The following ARL10 variants were observed in gnomAD, a reference collection of about 807,000 sequenced individuals.
ARL10 encodes the protein ADP-ribosylation factor-like protein 10.
In ARL10, 23 loss-of-function variants were observed where a neutral mutation model predicts 26.1. The observed-to-expected ratio is 0.88, with a 90% CI of 0.63 to 1.25. The LOEUF (loss-of-function observed/expected upper bound fraction) is 1.25, where lower values mean the gene tolerates loss of function less well. Among genes scored for constraint, ARL10 ranks in the 50% most tolerant of loss-of-function variants. The probability of loss-of-function intolerance (pLI) is 0.00; values close to 1 mark genes in which losing one functional copy is unlikely to be tolerated. For missense variants in ARL10, 300 were observed against 323.6 expected (o/e 0.93, Z 0.56); for synonymous variants, 138 against 149.1 (o/e 0.93, Z 0.54).
At chr5:176,412,244 C>T in the ARL10 span, among the ~76,000 whole-genome samples, 1 of 151,990 alleles carries the variant, frequency 6.6e-6, no homozygotes, top group Non-Finnish European at 1.5e-5. Context: ...CATAAGTCAC[C>T]TCCTCTGGGA....
intron 1 of ARL10, among the ~76,000 whole-genome samples, chr5:176,400,353 C>T (rs374473124): frequency 3.3e-5 from 5 of 152,230 alleles, no homozygotes; most frequent in South Asian, 4.1e-4. Context: ...AGAATTACTA[C>T]TATTATTATT....
the ARL10 span, among the ~76,000 whole-genome samples, chr5:176,414,683 C>A: frequency 6.6e-6 from 1 of 152,092 alleles, no homozygotes; most frequent in South Asian, 2.1e-4. Context: ...AGCATGGAGC[C>A]CAGAGTTGGG....
At chr5:176,412,843 G>A in the ARL10 span, among the ~76,000 whole-genome samples, 1 of 152,154 alleles carries the variant, frequency 6.6e-6, no homozygotes, top group East Asian at 1.9e-4. Context: ...AGCATCTTCT[G>A]CAAAGGGGCT....
intron 1 of ARL10, among the ~76,000 whole-genome samples, chr5:176,399,844 C>T (rs1756724378): frequency 6.7e-6 from 1 of 150,324 alleles, no homozygotes; most frequent in Non-Finnish European, 1.5e-5. Context: ...TGCCACTGCA[C>T]TCCAGCCTGG....
chr5:176,383,892 G>C (rs1053440460), downstream of ARL10: 1 of 1,350,828 alleles, frequency 7.4e-7, no homozygotes, highest in Non-Finnish European at 9.8e-7. Context: ...GGTTTTCACC[G>C]GGGCAGCCCC....
chr5:176,371,686 C>T (rs1376960894), intron 3 of ARL10, 36 bp from the exon 4 acceptor site: 1 of 1,590,566 alleles, frequency 6.3e-7, no homozygotes, highest in Non-Finnish European at 8.6e-7. Context: ...TTAGGAAATG[C>T]TGCCAGCTGT....
At chr5:176,382,551 G>T (rs1755578783), downstream of ARL10, among the ~76,000 whole-genome samples, 1 of 152,202 alleles carries the variant, frequency 6.6e-6, no homozygotes, top group African/African-American at 2.4e-5. Context: ...GGGGGCCTTT[G>T]TTCTTAAGTA....
intron 1 of ARL10, among the ~76,000 whole-genome samples, chr5:176,395,078 C>T (rs982767789): frequency 6.6e-6 from 1 of 151,986 alleles, no homozygotes; most frequent in Non-Finnish European, 1.5e-5. Context: ...CCAGCCTCAG[C>T]TCCCACCCAT....
downstream of ARL10, chr5:176,385,126 A>G (rs781322768): frequency 1.3e-6 from 1 of 784,606 alleles, no homozygotes. Flanking sequence ...CTTTCTTTGC[A>G]CTCGGTTTCA....
chr5:176,393,035 G>A, downstream of ARL10: 1 of 1,428,008 alleles, frequency 7.0e-7, no homozygotes, highest in Non-Finnish European at 9.8e-7. The surrounding 1 kb of genome is among the most constrained non-coding windows in gnomAD (Gnocchi z 4.4). Flanking sequence ...GCCTACTCTG[G>A]GGCACTGTGT....
At chr5:176,401,813 G>C in exon 2 of ARL10, 1 of 454,986 alleles carries the variant, frequency 2.2e-6, no homozygotes, top group Non-Finnish European at 4.4e-6. Flanking sequence ...GTTCGTCCTT[G>C]ATTTCTCCTT....
At chr5:176,389,135 G>A (rs1038504419), downstream of ARL10, among the ~76,000 whole-genome samples, 7 of 152,042 alleles carry the variant, frequency 4.6e-5, no homozygotes, top group Non-Finnish European at 8.8e-5. Flanking sequence ...AGCGGGAGCA[G>A]CGGGTTTAGG....
chr5:176,414,083 C>T, the ARL10 span, among the ~76,000 whole-genome samples: 10 of 152,166 alleles, frequency 6.6e-5, no homozygotes, highest in Non-Finnish European at 1.5e-4. Flanking sequence ...TCTGGCTGCC[C>T]TCAGCCTGAA....
rs761267825 is a variant in ARL10 at position 176,373,865 on chromosome 5, A to C, written c.*1970A>C. The C allele has an allele frequency of 5.3e-5, 8 of 152,230 alleles. No individual in the cohort carries two copies. Among genetic ancestry groups the C allele is most frequent in the Non-Finnish European group, 1.0e-4 (7 of 68,040 alleles). 9.4% of individuals were successfully genotyped at this position (152,230 alleles called of 1,614,324 possible). On this transcript the variant is annotated 3_prime_UTR_variant, in exon 4 of 4. Coordinates refer to ENST00000310389, the MANE Select transcript of ARL10 (RefSeq NM_173664.6). The stretch of plus-strand genomic sequence containing the variant: ...CCTTGTTCTTCAGGGCTTGAAGGCA[A>C]AAAAACCTTAGACAACTTTAACGAA...
intron 1 of ARL10, chr5:176,397,922 G>A (rs762614271): frequency 5.6e-6 from 9 of 1,609,488 alleles, no homozygotes; most frequent in East Asian, 4.5e-5. Context: ...CCTCAGCCCC[G>A]CCCTCACCCA....
downstream of ARL10, chr5:176,392,751 G>A (rs372196026): frequency 1.7e-5 from 27 of 1,612,594 alleles, no homozygotes; most frequent in Non-Finnish European, 2.1e-5. This position sits in a 1 kb window ranked among gnomAD's most constrained non-coding sequence, Gnocchi z 5.2. Flanking sequence ...CCCATGCTCT[G>A]TGGCCATGCA....
intron 1 of ARL10, among the ~76,000 whole-genome samples, chr5:176,400,254 C>A (rs1188859619): frequency 6.6e-6 from 1 of 151,952 alleles, no homozygotes; most frequent in South Asian, 2.1e-4. Context: ...AAGAACACCT[C>A]TAAGAGCTGT....
At chr5:176,409,490 T>C in the ARL10 span, among the ~76,000 whole-genome samples, 6 of 140,550 alleles carry the variant, frequency 4.3e-5, no homozygotes, top group African/African-American at 1.6e-4. Context: ...CTCAGCTCAC[T>C]GCAACCTCCA....
rs1376310346 is a variant in ARL10 at position 176,366,567 on chromosome 5, T to C, written c.371T>C (p.Val124Ala). 5 of 1,613,956 alleles carry C rather than the reference T, an allele frequency of 3.1e-6. No homozygotes were observed. The highest frequency in any genetic ancestry group is 3.4e-6 in the Non-Finnish European group (4 of 1,179,974). The change falls in exon 2 of 4, where the codon GTG becomes GCG. Residue 124 changes from valine (V) to alanine (A), a missense_variant. Physicochemically the swap from Val to Ala is moderately conservative, Grantham distance 64. Transcript: ENST00000310389. ...CGTCTGCCCACCAAGGACTTTGAGG[T>C]GGACCTGCTAGAAAGTGAGCGGACA... ...SVRLPTKDFE[V>A]DLLEIGGSQN...
Sources: allele counts gnomAD v4.1 joint callset (sites outside exome capture counted in the v4.1 genomes callset), GRCh38; gene constraint gnomAD v4.1.1; non-coding constraint Gnocchi (gnomAD v3.1); transcripts MANE v1.5; gene names NCBI Gene and HGNC (gene_info 2026-07-23, HGNC 2026-07-21).